PPFIA2: variants seen among roughly 807,000 people sequenced by gnomAD.
PPFIA2 encodes the protein liprin-alpha-2.
Under a neutral mutation model 175.5 loss-of-function variants are expected in PPFIA2, and 46 were observed. The observed-to-expected ratio is 0.26, with a 90% confidence interval of 0.21 to 0.34. The LOEUF (loss-of-function observed/expected upper bound fraction) is 0.34. Ranked by LOEUF, PPFIA2 falls within the 10% of genes least tolerant of loss-of-function variation. The pLI, the probability that PPFIA2 is intolerant of heterozygous loss-of-function variation, is 1.00. For synonymous variants in PPFIA2, 568 were observed against 511.4 expected, an observed-to-expected ratio of 1.11 and a Z score of -1.49; for missense variants, 1,179 against 1,506.1, an observed-to-expected ratio of 0.78 and a Z score of 3.60.
intron 7 of PPFIA2, among the ~76,000 whole-genome samples, chr12:81,414,196 G>A (rs191027593): frequency 7.9e-5 from 12 of 151,830 alleles, no homozygotes; most frequent in Non-Finnish European, 1.6e-4. Flanking sequence ...ATGCTGTAAT[G>A]CCTTTTGGTA....
intron 8 of PPFIA2, among the ~76,000 whole-genome samples, chr12:81,401,877 T>TA (rs2042145256): frequency 6.6e-6 from 1 of 152,184 alleles, no homozygotes; most frequent in South Asian, 2.1e-4. Flanking sequence ...AATATTTATA[T>TA]TCTTCTCAAT....
At chr12:81,266,275 A>G (rs939752281) in intron 30 of PPFIA2, among the ~76,000 whole-genome samples, 2 of 152,170 alleles carry the variant, frequency 1.3e-5, no homozygotes, top group African/African-American at 4.8e-5. Context: ...TTCCAGAAAG[A>G]CCCTGTAGAA....
chr12:81,295,520 G>A (rs1274344917), intron 23 of PPFIA2, among the ~76,000 whole-genome samples: 1 of 152,200 alleles, frequency 6.6e-6, no homozygotes, highest in African/African-American at 2.4e-5. Flanking sequence ...AGCATGCAGT[G>A]TAGCTAAGCC....
intron 3 of PPFIA2, among the ~76,000 whole-genome samples, chr12:81,709,428 G>T (rs73149397): frequency 0.04 from 6,014 of 151,914 alleles, 155 homozygotes; most frequent in Non-Finnish European, 0.055. Flanking sequence ...TACACTCCAT[G>T]AGAGCATAAA....
At chr12:81,550,949 G>C (rs1238278489) in intron 4 of PPFIA2, among the ~76,000 whole-genome samples, 3 of 151,868 alleles carry the variant, frequency 2.0e-5, no homozygotes, top group Admixed American at 6.6e-5. Flanking sequence ...TCAAGAAGGA[G>C]GGAGTTATCA....
intron 4 of PPFIA2, among the ~76,000 whole-genome samples, chr12:81,636,307 C>T (rs2064023164): frequency 2.0e-5 from 3 of 148,178 alleles, no homozygotes; most frequent in South Asian, 2.1e-4. Flanking sequence ...GCTCTGTCGC[C>T]CAGGCTGGAG....
intron 27 of PPFIA2, among the ~76,000 whole-genome samples, chr12:81,280,613 A>G (rs1470610845): frequency 6.6e-6 from 1 of 152,122 alleles, no homozygotes; most frequent in Non-Finnish European, 1.5e-5. Context: ...TTCACCTAAC[A>G]TAAACATAGC....
intron 4 of PPFIA2, among the ~76,000 whole-genome samples, chr12:81,617,464 C>T (rs888456944): frequency 2.6e-5 from 4 of 152,158 alleles, no homozygotes. Flanking sequence ...CTTGGAGCTC[C>T]TAGAGAATTT....
intron 18 of PPFIA2, among the ~76,000 whole-genome samples, chr12:81,345,579 C>T (rs2058928146): frequency 6.6e-6 from 1 of 151,882 alleles, no homozygotes; most frequent in Non-Finnish European, 1.5e-5. Context: ...AGTTATGATG[C>T]TTATGTTTAT....
chr12:81,408,139 C>T (rs1477372098), intron 7 of PPFIA2, among the ~76,000 whole-genome samples: 1 of 151,936 alleles, frequency 6.6e-6, no homozygotes, highest in East Asian at 1.9e-4. Context: ...ACTTCAGAAA[C>T]ATTCTTTTCA....
At chr12:81,292,657 T>C (rs1379648366) in intron 24 of PPFIA2, 1 of 152,166 alleles carries the variant, frequency 6.6e-6, no homozygotes, top group Non-Finnish European at 1.5e-5. Context: ...ATTTGTGTTA[T>C]CAGTAAGGCT....
chr12:81,568,584 G>C (rs984371111), intron 4 of PPFIA2, among the ~76,000 whole-genome samples: 1 of 152,192 alleles, frequency 6.6e-6, no homozygotes, highest in Non-Finnish European at 1.5e-5. Flanking sequence ...CTTTCAGCGT[G>C]TCCTCTCAGG....
At chr12:81,461,974 G>A (rs975275789) in intron 4 of PPFIA2, among the ~76,000 whole-genome samples, 3 of 151,536 alleles carry the variant, frequency 2.0e-5, no homozygotes, top group East Asian at 1.9e-4. Context: ...ATATCCTTAG[G>A]TCTTAGCATA....
chr12:81,308,913 A>C (rs2050019735), intron 22 of PPFIA2, among the ~76,000 whole-genome samples: 1 of 152,160 alleles, frequency 6.6e-6, no homozygotes, highest in South Asian at 2.1e-4. Flanking sequence ...CTGGGTGAAA[A>C]ATTTACCTTC....
chr12:81,507,447 T>C (rs2061299260), intron 4 of PPFIA2, among the ~76,000 whole-genome samples: 1 of 152,198 alleles, frequency 6.6e-6, no homozygotes, highest in Admixed American at 6.5e-5. Context: ...GAAATTGTTT[T>C]TAATTGAGTT....
chr12:81,700,490 T>C (rs961180761), intron 3 of PPFIA2, among the ~76,000 whole-genome samples: 7 of 152,028 alleles, frequency 4.6e-5, no homozygotes, highest in Non-Finnish European at 8.8e-5. Context: ...GAATAAAATA[T>C]GGAACCTGGA....
Position 81,294,973 on chromosome 12 carries a change from G to C in PPFIA2, c.2787C>G (p.Ala929=). 6.2e-7 allele frequency: 1 copy of C among 1,613,758 alleles called. No homozygotes were observed. Among genetic ancestry groups the C allele is most frequent in the Non-Finnish European group, 8.5e-7 (1 of 1,179,796 alleles). ...AACRANVKSG[A]IMSALSDTEI... ...CAGTGTCAGATAAAGCAGACATGAT[G>C]GCACCACTCTTCACGTTGGCTCGGC... The change falls in exon 24 of 33, where the codon GCC becomes GCG. Residue 929 remains alanine, a synonymous_variant. Coordinates refer to ENST00000549396, the MANE Select transcript of PPFIA2 (RefSeq NM_003625.5).
intron 4 of PPFIA2, among the ~76,000 whole-genome samples, chr12:81,510,434 G>T (rs1475764437): frequency 6.6e-6 from 1 of 151,984 alleles, no homozygotes; most frequent in Non-Finnish European, 1.5e-5. Flanking sequence ...GCAAAAAGCT[G>T]AAATAAATTT....
At chr12:81,534,007 C>T (rs976329062) in intron 4 of PPFIA2, among the ~76,000 whole-genome samples, 3 of 151,564 alleles carry the variant, frequency 2.0e-5, no homozygotes, top group African/African-American at 7.3e-5. Flanking sequence ...GAAATCCTGT[C>T]ATTTACAGCA....
Sources: gnomAD v4.1 joint callset for allele counts (sites outside exome capture counted in the v4.1 genomes callset) on GRCh38, gnomAD v4.1.1 for gene constraint, MANE v1.5 for transcripts, NCBI Gene and HGNC (gene_info 2026-07-23, HGNC 2026-07-21) for gene names.